The following BMAL1 variants were observed in gnomAD, a reference collection of about 807,000 sequenced individuals.
BMAL1 encodes basic helix-loop-helix ARNT-like protein 1.
At chr11:13,355,324 C>T in the BMAL1 span, 1 of 1,608,240 alleles carries the variant, frequency 6.2e-7, no homozygotes, top group South Asian at 1.1e-5. Context: ...ATTAAGACAG[C>T]CAACACCCAG....
At chr11:13,354,384 A>G in the BMAL1 span, 3 of 1,614,200 alleles carry the variant, frequency 1.9e-6, no homozygotes, top group South Asian at 3.3e-5. Context: ...CCTGCTTTCC[A>G]GCTCTCTTGG....
chr11:13,361,063 C>T, the BMAL1 span, among the ~76,000 whole-genome samples: 2 of 152,180 alleles, frequency 1.3e-5, no homozygotes, highest in Non-Finnish European at 2.9e-5. Context: ...GAGATCACTC[C>T]ACTGCACTCC....
chr11:13,344,853 T>C, the BMAL1 span, among the ~76,000 whole-genome samples: 8 of 151,982 alleles, frequency 5.3e-5, no homozygotes, highest in African/African-American at 1.9e-4. Context: ...TAGTGGAGAG[T>C]GGGGCCAGGG....
At chr11:13,290,621 A>G in the BMAL1 span, among the ~76,000 whole-genome samples, 173 of 151,902 alleles carry the variant, frequency 1.1e-3, 3 homozygotes, top group South Asian at 0.034. Flanking sequence ...TTGACTACCT[A>G]CCATATGCCA....
the BMAL1 span, among the ~76,000 whole-genome samples, chr11:13,361,356 G>T: frequency 1.2e-4 from 18 of 152,150 alleles, no homozygotes; most frequent in East Asian, 3.5e-3. Flanking sequence ...ATTCAGAAAC[G>T]TGTTCTTGTA....
chr11:13,357,133 A>C, the BMAL1 span: 4 of 1,612,624 alleles, frequency 2.5e-6, no homozygotes, highest in Non-Finnish European at 3.4e-6. This position sits in a 1 kb window ranked among gnomAD's most constrained non-coding sequence, Gnocchi z 4.8. Flanking sequence ...AAAGCATCCT[A>C]GTTCTGGTTG....
the BMAL1 span, chr11:13,353,404 G>A: frequency 3.9e-5 from 6 of 152,318 alleles, no homozygotes; most frequent in African/African-American, 7.2e-5. Context: ...TATATGAGTA[G>A]CTGCAATCTT....
the BMAL1 span, among the ~76,000 whole-genome samples, chr11:13,293,773 C>G: frequency 6.6e-6 from 1 of 152,240 alleles, no homozygotes; most frequent in Non-Finnish European, 1.5e-5. Flanking sequence ...GCTCATTCCT[C>G]TGTGTAGGTA....
the BMAL1 span, among the ~76,000 whole-genome samples, chr11:13,332,793 A>C: frequency 1.3e-5 from 2 of 151,924 alleles, no homozygotes; most frequent in Non-Finnish European, 2.9e-5. Flanking sequence ...GGTCGGTGGT[A>C]AGGAGGTGCT....
At chr11:13,381,033 G>T in the BMAL1 span, 1 of 801,052 alleles carries the variant, frequency 1.2e-6, no homozygotes, top group East Asian at 2.5e-5. Context: ...CTACTATCTG[G>T]CCCCTTACAG....
the BMAL1 span, among the ~76,000 whole-genome samples, chr11:13,298,652 T>G: frequency 6.6e-6 from 1 of 152,092 alleles, no homozygotes; most frequent in Non-Finnish European, 1.5e-5. Context: ...GATGCATGAG[T>G]GAATGAGTTT....
At chr11:13,352,829 G>T in the BMAL1 span, among the ~76,000 whole-genome samples, 5 of 152,162 alleles carry the variant, frequency 3.3e-5, no homozygotes, top group Non-Finnish European at 4.4e-5. Flanking sequence ...AGGGAAGTTG[G>T]GTCCAGAGAG....
At chr11:13,318,194 T>C in the BMAL1 span, among the ~76,000 whole-genome samples, 1 of 152,202 alleles carries the variant, frequency 6.6e-6, no homozygotes, top group African/African-American at 2.4e-5. Context: ...ATATAACTAA[T>C]ACCCCTTAGA....
At chr11:13,375,878 G>GCT in the BMAL1 span, 2 of 1,006,350 alleles carry the variant, frequency 2.0e-6, no homozygotes, top group Non-Finnish European at 2.7e-6. Flanking sequence ...ATGCCATCTT[G>GCT]CTAATACCTG....
At chr11:13,355,240 T>A in the BMAL1 span, 2 of 1,613,644 alleles carry the variant, frequency 1.2e-6, no homozygotes, top group Non-Finnish European at 1.7e-6. Flanking sequence ...CAGGTCGAAT[T>A]TGGGGAGCAC....
the BMAL1 span, among the ~76,000 whole-genome samples, chr11:13,342,000 C>T: frequency 3.3e-5 from 5 of 152,316 alleles, no homozygotes; most frequent in East Asian, 5.8e-4. Flanking sequence ...GAGCACATAT[C>T]GCCCCCAGCC....
At chr11:13,342,788 C>G in the BMAL1 span, among the ~76,000 whole-genome samples, 11 of 152,286 alleles carry the variant, frequency 7.2e-5, no homozygotes, top group Non-Finnish European at 1.2e-4. Flanking sequence ...CTGTGCTGTA[C>G]AGTGGAAGGA....
chr11:13,306,308 A>G, the BMAL1 span, among the ~76,000 whole-genome samples: 1 of 152,130 alleles, frequency 6.6e-6, no homozygotes, highest in Non-Finnish European at 1.5e-5. Flanking sequence ...GTGTCCAGGC[A>G]GGAGGTCCTG....
At chr11:13,386,589 C>T in the BMAL1 span, 10 of 1,607,610 alleles carry the variant, frequency 6.2e-6, no homozygotes, top group South Asian at 7.8e-5. Flanking sequence ...TTTATCTCCT[C>T]CCACAGGTGA....
Sources: gnomAD v4.1 joint callset for allele counts (sites outside exome capture counted in the v4.1 genomes callset) on GRCh38, gnomAD v4.1.1 for gene constraint, Gnocchi (gnomAD v3.1) non-coding constraint, MANE v1.5 for transcripts, NCBI Gene and HGNC (gene_info 2026-07-23, HGNC 2026-07-21) for gene names.